OPA1: variants seen among roughly 807,000 people sequenced by gnomAD.
OPA1 encodes OPA1 mitochondrial dynamin like GTPase.
Under a neutral mutation model 152.9 loss-of-function variants are expected in OPA1, and 59 were observed. The ratio of observed to expected loss-of-function variants is 0.39; its 90% confidence interval spans 0.31 to 0.48. The LOEUF is 0.48. Among genes scored for constraint, OPA1 ranks in the 20% least tolerant of loss-of-function variants. OPA1 has a pLI of 0.96. For missense variants in OPA1, 1,008 were observed against 1,216.8 expected (o/e 0.83, Z 2.55); for synonymous variants, 400 against 389.9 (o/e 1.03, Z -0.31).
chr3:193,595,495 T>G (rs915999325), intron 1 of OPA1, among the ~76,000 whole-genome samples: 4 of 152,250 alleles, frequency 2.6e-5, no homozygotes, highest in Non-Finnish European at 4.4e-5. Flanking sequence ...TTCAAAATTC[T>G]TTTCCTTTAG....
chr3:193,666,494 AT>A (rs1182142914), intron 28 of OPA1, 105 bp downstream of exon 28: 2 of 1,005,804 alleles, frequency 2.0e-6, no homozygotes, highest in African/African-American at 3.2e-5. Flanking sequence ...AAGTAGATTT[AT>A]TAGAAAAACT....
chr3:193,656,136 A>G (rs764816554), intron 22 of OPA1, among the ~76,000 whole-genome samples: 2 of 151,940 alleles, frequency 1.3e-5, no homozygotes, highest in Non-Finnish European at 2.9e-5. Context: ...TGGCACTAAC[A>G]TTTTTTCTGC....
chr3:193,661,527 C>G (rs1210579585), intron 25 of OPA1, among the ~76,000 whole-genome samples: 3 of 152,144 alleles, frequency 2.0e-5, no homozygotes, highest in Admixed American at 6.5e-5. Context: ...CTAGGTCTCA[C>G]ATCGTAAGTT....
chr3:193,660,862 G>C (rs1019279080), intron 25 of OPA1, among the ~76,000 whole-genome samples: 3 of 152,196 alleles, frequency 2.0e-5, no homozygotes, highest in Non-Finnish European at 4.4e-5. Context: ...TGTCAGAAGA[G>C]AATTTCTAGA....
intron 29 of OPA1, among the ~76,000 whole-genome samples, chr3:193,676,936 G>A (rs185566659): frequency 0.03 from 4,100 of 138,884 alleles, 70 homozygotes; most frequent in Non-Finnish European, 0.036. Context: ...AGCCGAGATC[G>A]CGCCACTGCA....
intron 1 of OPA1, among the ~76,000 whole-genome samples, chr3:193,611,253 G>A (rs1406569261): frequency 6.6e-6 from 1 of 152,160 alleles, no homozygotes; most frequent in Non-Finnish European, 1.5e-5. Flanking sequence ...CAATTGAAGG[G>A]GCATAAGCTT....
chr3:193,667,760 C>A (rs1716960685), intron 29 of OPA1, among the ~76,000 whole-genome samples: 1 of 151,662 alleles, frequency 6.6e-6, no homozygotes, highest in South Asian at 2.1e-4. Flanking sequence ...CCTATCACTT[C>A]CAAGTAGGTT....
At chr3:193,596,827 C>G (rs11715416) in intron 1 of OPA1, 27,965 of 152,140 alleles carry the variant, frequency 0.18, 3,131 homozygotes, top group Non-Finnish European at 0.25. Flanking sequence ...AATGGTCTCG[C>G]TCCAAGTGGA....
intron 1 of OPA1, among the ~76,000 whole-genome samples, chr3:193,609,805 T>A (rs1053719912): frequency 3.9e-5 from 6 of 152,326 alleles, no homozygotes; most frequent in African/African-American, 9.6e-5. Context: ...CCATCACTGA[T>A]ACCCTTTCTT....
intron 29 of OPA1, among the ~76,000 whole-genome samples, chr3:193,676,289 G>A (rs1222631135): frequency 5.3e-5 from 8 of 152,184 alleles, no homozygotes; most frequent in African/African-American, 1.7e-4. Flanking sequence ...TTTTATGGTA[G>A]CAATACTTGA....
intron 1 of OPA1, among the ~76,000 whole-genome samples, chr3:193,599,300 C>T (rs1054279128): frequency 3.3e-5 from 5 of 152,140 alleles, no homozygotes; most frequent in African/African-American, 9.7e-5. Context: ...ATTGGATATT[C>T]AGTCCAGTTT....
intron 1 of OPA1, among the ~76,000 whole-genome samples, chr3:193,598,780 C>A (rs1726006271): frequency 6.6e-6 from 1 of 152,184 alleles, no homozygotes. Flanking sequence ...GATTAAGAAA[C>A]TAAGGCTTTA....
intron 29 of OPA1, among the ~76,000 whole-genome samples, chr3:193,674,241 A>G (rs1165309239): frequency 2.6e-5 from 4 of 152,196 alleles, no homozygotes; most frequent in African/African-American, 7.2e-5. Context: ...TCTCTTGATA[A>G]TTAGAAAGGA....
chr3:193,644,421 CT>C (rs1734227544), intron 16 of OPA1, among the ~76,000 whole-genome samples: 1 of 152,078 alleles, frequency 6.6e-6, no homozygotes, highest in South Asian at 2.1e-4. Context: ...TTTCGGCACC[CT>C]CATGTACCAA....
chr3:193,659,248 G>A lies in OPA1; in HGVS notation c.2441-234G>A, dbSNP rs28457829. Among the ~76,000 whole-genome samples, 64,347 of 151,938 alleles carry A rather than the reference G, an allele frequency of 0.42. 13,914 individuals are homozygous for A. The highest frequency in any genetic ancestry group is 0.43 in the Non-Finnish European group (29,505 of 67,926). ...TAATGCAGAATATTTTAGTGTGTTC[G>A]CTACTGTACTTATAGGAATTTTATA... is the stretch of plus-strand genomic sequence containing the variant. On this transcript the variant is annotated intron_variant, in intron 24 of 30. Transcript: ENST00000361510.
At position 193,657,228 on chromosome 3, in the gene OPA1, G is replaced by C; in HGVS notation, c.2327G>C (p.Ser776Thr). 6.2e-7 allele frequency: 1 copy of C among 1,613,824 alleles called. No individual in the cohort carries two copies. The highest frequency in any genetic ancestry group is 8.5e-7 in the Non-Finnish European group (1 of 1,179,810). The stretch of plus-strand genomic sequence containing the variant: ...AAGTGGAATGACTTTGCGGAGGACA[G>C]CTTGGTATGTTGTTTGTATACTGGG... ...RHKWNDFAEDSLRVIQHNALE... is the reference protein window; with the variant it reads ...RHKWNDFAEDTLRVIQHNALE... The change falls in exon 23 of 31, where the codon AGC (serine) becomes ACC (threonine). Residue 776 changes from serine (S) to threonine (T), a missense_variant. Coordinates refer to ENST00000361510, the MANE Select transcript of OPA1 (RefSeq NM_130837.3).
In OPA1 at chr3:193,659,016, T is replaced by C. The variant is rs202009507; in HGVS notation, c.2440+21T>C. 8 of 1,525,658 alleles carry C rather than the reference T, an allele frequency of 5.2e-6. 1 individual carries two copies. Among genetic ancestry groups the C allele is most frequent in the South Asian group, 4.5e-5 (4 of 89,214 alleles). The allele number at this position is 1,525,658 out of a possible 1,614,324, so 94.5% of individuals were successfully genotyped here. On this transcript the variant is annotated intron_variant, in intron 24 of 30. Coordinates refer to ENST00000361510, the MANE Select transcript of OPA1 (RefSeq NM_130837.3). ...GGATAGTAAGTGGAGACACGGCTTA[T>C]TGAGTTCTGAGTTCACAGTGGTGAA...
rs1272220841 is a variant in OPA1 at position 193,667,276 on chromosome 3, C to G, written c.2979C>G (p.Asp993Glu). 6.8e-7 allele frequency: 1 copy of G among 1,476,094 alleles called. No individual in the cohort carries two copies. Among genetic ancestry groups the G allele is most frequent in the Non-Finnish European group, 9.5e-7 (1 of 1,054,158 alleles). 91.4% of individuals were successfully genotyped at this position (1,476,094 alleles called of 1,614,324 possible). Reference protein sequence around the residue: ...LTGKRVQLAEDLKKVREIQEK... With the variant: ...LTGKRVQLAEELKKVREIQEK... The stretch of plus-strand genomic sequence containing the variant: ...GTAAACGCGTTCAACTGGCGGAAGA[C>G]CTCAGTGAGTAGTTCTTACTGCCCT... Residue 993 changes from aspartate (D) to glutamate (E), a missense_variant, in exon 29 of 31, where the codon GAC becomes GAG. Around this residue, in one of 7 missense-constraint regions of OPA1, gnomAD observed 137 missense variants for 171.0 expected, o/e 0.80. Coordinates refer to ENST00000361510, the MANE Select transcript of OPA1 (RefSeq NM_130837.3).
At chr3:193,662,509 A>G (rs924459959) in intron 25 of OPA1, among the ~76,000 whole-genome samples, 2 of 152,160 alleles carry the variant, frequency 1.3e-5, no homozygotes, top group Non-Finnish European at 2.9e-5. Context: ...AAAGAAAGAA[A>G]ATACATGGTA....
Sources: allele counts gnomAD v4.1 joint callset (sites outside exome capture counted in the v4.1 genomes callset), GRCh38; gene constraint gnomAD v4.1.1; regional missense constraint gnomAD v4.1.1; transcripts MANE v1.5; gene names NCBI Gene and HGNC (gene_info 2026-07-23, HGNC 2026-07-21).